DCLK1: variants seen among roughly 807,000 people sequenced by gnomAD.
DCLK1 encodes serine/threonine-protein kinase DCLK1.
In DCLK1, 16 loss-of-function variants were observed where a neutral mutation model predicts 86.2. The ratio of observed to expected loss-of-function variants is 0.19; its 90% CI spans 0.13 to 0.28. DCLK1 has a LOEUF of 0.28. Among genes scored for constraint, DCLK1 ranks in the 10% least tolerant of loss-of-function variants. The probability of loss-of-function intolerance (pLI) is 1.00; values close to 1 mark genes in which losing one functional copy is unlikely to be tolerated. For missense variants in DCLK1, 590 were observed against 940.2 expected, an observed-to-expected ratio of 0.63 and a Z score of 4.87; for synonymous variants, 369 against 370.5, an observed-to-expected ratio of 1.00 and a Z score of 0.05.
At chr13:35,881,301 C>T (rs530757908) in intron 4 of DCLK1, among the ~76,000 whole-genome samples, 3 of 152,312 alleles carry the variant, frequency 2.0e-5, no homozygotes, top group South Asian at 2.1e-4. Context: ...GCACTTCCAA[C>T]TTAGCACCAA....
intron 3 of DCLK1, among the ~76,000 whole-genome samples, chr13:36,103,714 C>G (rs1885299764): frequency 1.3e-5 from 2 of 152,130 alleles, no homozygotes; most frequent in Admixed American, 1.3e-4. Flanking sequence ...GATTTAAAAA[C>G]TAATCAGGAA....
At chr13:35,800,271 C>G (rs1407692690) in intron 15 of DCLK1, among the ~76,000 whole-genome samples, 2 of 152,224 alleles carry the variant, frequency 1.3e-5, no homozygotes, top group Admixed American at 6.5e-5. Flanking sequence ...TCAGACTCTT[C>G]AACTATATGA....
At chr13:35,994,803 T>G (rs1880401765) in intron 3 of DCLK1, among the ~76,000 whole-genome samples, 1 of 152,224 alleles carries the variant, frequency 6.6e-6, no homozygotes. Flanking sequence ...GGCTTTAAAT[T>G]TTCAAGCAAT....
chr13:36,012,274 T>C (rs1881308306), intron 3 of DCLK1, among the ~76,000 whole-genome samples: 1 of 148,382 alleles, frequency 6.7e-6, no homozygotes, highest in African/African-American at 2.5e-5. Context: ...GTCATTATGA[T>C]GTTAGCTGGT....
chr13:35,910,091 C>T (rs1293598528), intron 4 of DCLK1, among the ~76,000 whole-genome samples: 3 of 152,164 alleles, frequency 2.0e-5, no homozygotes, highest in African/African-American at 7.2e-5. Context: ...AATCCAGACA[C>T]GTGTTCTCCA....
At position 35,962,441 on chromosome 13, in the gene DCLK1, G is replaced by C. The variant is rs560299554; in HGVS notation, c.724-14984C>G. 2.0e-5 allele frequency among the ~76,000 whole-genome samples: 3 copies of C among 152,286 alleles called. No individual in the cohort carries two copies. In the East Asian group the frequency reaches 5.8e-4, roughly 29 times the overall value. On this transcript the variant is annotated intron_variant, in intron 3 of 16. Coordinates refer to ENST00000360631, the MANE Select transcript of DCLK1 (RefSeq NM_001330071.2). ...CCAGCAAACACCAGAAGCTAGGGGA[G>C]AGGCCTGGGAATGATTCTCCCTAAC...
At chr13:35,876,617 T>C (rs941076928) in intron 4 of DCLK1, among the ~76,000 whole-genome samples, 9 of 152,164 alleles carry the variant, frequency 5.9e-5, no homozygotes, top group Admixed American at 1.3e-4. Flanking sequence ...ATAACCACAA[T>C]TTTGAAACAT....
At chr13:35,978,310 AT>A (rs1593787391) in intron 3 of DCLK1, among the ~76,000 whole-genome samples, 1 of 138,216 alleles carries the variant, frequency 7.2e-6, no homozygotes, top group East Asian at 2.2e-4. Flanking sequence ...GGTTTAAGCT[AT>A]TCTCCTGCCT....
intron 3 of DCLK1, among the ~76,000 whole-genome samples, chr13:35,972,527 C>CCTCCGGAGGT (rs1879120263): frequency 6.6e-6 from 1 of 152,146 alleles, no homozygotes; most frequent in Non-Finnish European, 1.5e-5. Context: ...TGATTACAAA[C>CCTCCGGAGGT]ATTCCTGAAA....
chr13:35,814,301 C>T (rs1030285738), intron 11 of DCLK1, among the ~76,000 whole-genome samples: 2 of 152,208 alleles, frequency 1.3e-5, no homozygotes, highest in Admixed American at 6.5e-5. Flanking sequence ...ACAAAACCAT[C>T]TCCAGAAAGT....
chr13:35,885,307 C>A lies in DCLK1; in HGVS notation c.824-13967G>T, dbSNP rs570673968. 7.5e-3 allele frequency among the ~76,000 whole-genome samples: 1,095 copies of A among 146,900 alleles called. 14 individuals carry two copies. Among genetic ancestry groups the A allele is most frequent in the African/African-American group, 0.026 (1,047 of 40,124 alleles). ...GCCTGCACTGTCATCTTAGGGACAA[C>A]AAAAAAAAAATTCTCCCTTCAGACT... On this transcript the variant is annotated intron_variant, in intron 4 of 16. Coordinates refer to ENST00000360631, the MANE Select transcript of DCLK1 (RefSeq NM_001330071.2).
chr13:36,093,083 C>A (rs1450068655), intron 3 of DCLK1, among the ~76,000 whole-genome samples: 1 of 152,206 alleles, frequency 6.6e-6, no homozygotes, highest in Non-Finnish European at 1.5e-5. Context: ...TAACAGACTG[C>A]AGCTTGAAAT....
rs369873174 is a variant in DCLK1 at position 36,047,863 on chromosome 13, C to T, written c.723+64006G>A. ...CCCAGCACTGTGGGAGGCTGAGGCA[C>T]GAGGATCACTTGACCCCAGGAGTTC... On this transcript the variant is annotated intron_variant, in intron 3 of 16. Coordinates refer to ENST00000360631, the MANE Select transcript of DCLK1 (RefSeq NM_001330071.2). 7.2e-5 allele frequency among the ~76,000 whole-genome samples: 11 copies of T among 152,120 alleles called. 1 individual carries two copies. The East Asian group carries it at 1.4e-3, about 19-fold the overall frequency.
At chr13:36,093,963 AGTATG>A (rs1357752965) in intron 3 of DCLK1, among the ~76,000 whole-genome samples, 1 of 152,144 alleles carries the variant, frequency 6.6e-6, no homozygotes, top group Non-Finnish European at 1.5e-5. Context: ...CATATTGTCC[AGTATG>A]GTATCAAACT....
At chr13:35,920,981 C>G (rs534875694) in intron 4 of DCLK1, among the ~76,000 whole-genome samples, 39 of 152,278 alleles carry the variant, frequency 2.6e-4, no homozygotes, top group Admixed American at 4.6e-4. Flanking sequence ...CCCTGCCCCC[C>G]ACGGCCAACA....
intron 4 of DCLK1, among the ~76,000 whole-genome samples, chr13:35,910,525 G>A (rs1874954731): frequency 6.6e-6 from 1 of 152,120 alleles, no homozygotes; most frequent in South Asian, 2.1e-4. Context: ...TCCTATGCTG[G>A]AAATAAAAAG....
Position 35,772,735 on chromosome 13 carries a change from T to C in DCLK1, c.*1800A>G, listed in dbSNP as rs1158993426. The stretch of plus-strand genomic sequence containing the variant: ...GTCAGGACAACACAGACCACAGAGA[T>C]GAACCTAAATGTAAAAGAGCAAAAA... On this transcript the variant is annotated 3_prime_UTR_variant, in exon 17 of 17. Coordinates refer to ENST00000360631, the MANE Select transcript of DCLK1 (RefSeq NM_001330071.2). The C allele has an allele frequency of 6.6e-6, 1 of 151,742 alleles. No homozygotes were observed. Among genetic ancestry groups the C allele is most frequent in the Non-Finnish European group, 1.5e-5 (1 of 67,910 alleles). 9.4% of individuals were successfully genotyped at this position (151,742 alleles called of 1,614,324 possible).
chr13:35,971,866 G>C (rs542233532), intron 3 of DCLK1, among the ~76,000 whole-genome samples: 2 of 152,070 alleles, frequency 1.3e-5, no homozygotes, highest in Non-Finnish European at 2.9e-5. Flanking sequence ...CCTGGACCTC[G>C]GTTGTTTTTA....
At chr13:36,105,563 T>C (rs1885364381) in intron 3 of DCLK1, among the ~76,000 whole-genome samples, 2 of 152,196 alleles carry the variant, frequency 1.3e-5, no homozygotes, top group African/African-American at 4.8e-5. Context: ...GAGGACAGAT[T>C]TGAACTCATC....
Sources: allele counts gnomAD v4.1 joint callset (sites outside exome capture counted in the v4.1 genomes callset), GRCh38; gene constraint gnomAD v4.1.1; transcripts MANE v1.5; gene names NCBI Gene and HGNC (gene_info 2026-07-23, HGNC 2026-07-21).